DENND4B: variants seen among roughly 807,000 people sequenced by gnomAD.
DENND4B encodes the protein DENN domain-containing protein 4B.
A neutral mutation model predicts 161.0 loss-of-function variants in DENND4B; 67 were observed. That is an observed-to-expected ratio of 0.42 (90% CI 0.34 to 0.51). The LOEUF (loss-of-function observed/expected upper bound fraction) is 0.51. Ranked by LOEUF, DENND4B falls within the 20% of genes least tolerant of loss-of-function variation. The pLI is 0.08. For synonymous variants in DENND4B, 753 were observed against 813.8 expected, an observed-to-expected ratio of 0.93 and a Z score of 1.27; for missense variants, 1,481 against 1,968.0, an observed-to-expected ratio of 0.75 and a Z score of 4.68.
Position 153,942,391 on chromosome 1 carries a change from G to T in DENND4B, c.641-35C>A. 2.5e-6 allele frequency: 4 copies of T among 1,602,418 alleles called. No homozygotes were observed. The highest frequency in any genetic ancestry group is 3.4e-6 in the Non-Finnish European group (4 of 1,174,428). On this transcript the variant is annotated intron_variant, in intron 4 of 27. Coordinates refer to ENST00000361217, the MANE Select transcript of DENND4B (RefSeq NM_014856.3). The surrounding 1 kb of genome is among the most constrained non-coding windows in gnomAD (Gnocchi z 6.9). Reference sequence around the variant, plus strand: ...CAGCATAGTTGGGGGTACCCAAAAGGAGCAGGGTCCATCAGACTCCAAGGG... The same window carrying T: ...CAGCATAGTTGGGGGTACCCAAAAGTAGCAGGGTCCATCAGACTCCAAGGG...
chr1:153,942,443 G>A lies in DENND4B; in HGVS notation c.641-87C>T. ...AATGAACCAAGGGATCCCAGAGAAG[G>A]CCCGAGTAGCAAAGAGAAAGTAAAC... On this transcript the variant is annotated intron_variant, in intron 4 of 27. Transcript: ENST00000361217. The surrounding 1 kb of genome is among the most constrained non-coding windows in gnomAD (Gnocchi z 6.9). 2 of 1,567,974 alleles carry A rather than the reference G, an allele frequency of 1.3e-6. No homozygotes were observed. The highest frequency in any genetic ancestry group is 1.7e-6 in the Non-Finnish European group (2 of 1,155,790).
chr1:153,929,997 A>T lies in DENND4B; in HGVS notation c.*300T>A. 1 of 390,600 alleles carries T rather than the reference A, an allele frequency of 2.6e-6. No homozygotes were observed. The highest frequency in any genetic ancestry group is 4.7e-6 in the Non-Finnish European group (1 of 214,800). The allele number at this position is 390,600 out of a possible 1,614,324, so 24.2% of individuals were successfully genotyped here. On this transcript the variant is annotated 3_prime_UTR_variant, in exon 28 of 28. Coordinates refer to ENST00000361217, the MANE Select transcript of DENND4B (RefSeq NM_014856.3). ...TTCTAAAATGACCAGGGCAATGCAG[A>T]TCTGTGGGTACCCTGGAGGGGAGTT...
rs770596398 is a variant in DENND4B, at chr1:153,940,459, C to T, written c.1474G>A (p.Val492Ile). 3.1e-6 allele frequency: 5 copies of T among 1,612,782 alleles called. No homozygotes were observed. The highest frequency in any genetic ancestry group is 2.7e-5 in the African/African-American group (2 of 74,876). ...LHDPPADVIC[V>I]DLDTNTLFQT... ...AAGAGCGTGTTGGTATCAAGGTCTA[C>T]ACAGATGACATCAGCAGGCGGGTCA... is the stretch of plus-strand genomic sequence containing the variant. Residue 492 changes from valine to isoleucine, a missense_variant, in exon 10 of 28, where the codon GTA (valine) becomes ATA (isoleucine). Physicochemically the swap from Val to Ile is conservative, Grantham distance 29. Transcript: ENST00000361217. The surrounding 1 kb of genome is among the most constrained non-coding windows in gnomAD (Gnocchi z 5.6).
intron 1 of DENND4B, chr1:153,945,347 G>A: frequency 2.8e-6 from 1 of 360,930 alleles, no homozygotes; most frequent in Non-Finnish European, 5.4e-6. Context: ...TGTGGTGGCG[G>A]TGGCGGTGGT....
Position 153,941,880 on chromosome 1 carries a change from T to G in DENND4B, c.1044A>C (p.Leu348=). 6.2e-7 allele frequency: 1 copy of G among 1,605,038 alleles called. No individual in the cohort carries two copies. The highest frequency in any genetic ancestry group is 1.3e-5 in the African/African-American group (1 of 74,282). ...YRYSVSGPHR[L]PLEAHISHFI... ...GGAGCCATGCTCACGCTTCCAAGGG[T>G]AGGCGGTGGGGGCCTGAGACGGAGT... is the stretch of plus-strand genomic sequence containing the variant. Residue 348 remains leucine (L), a synonymous_variant, in exon 6 of 28, where the codon CTA becomes CTC. Coordinates refer to ENST00000361217, the MANE Select transcript of DENND4B (RefSeq NM_014856.3).
Position 153,930,708 on chromosome 1 carries a change from C to T in DENND4B, c.4264G>A (p.Gly1422Ser), listed in dbSNP as rs1014890098. The stretch of plus-strand genomic sequence containing the variant: ...GCACCATACCTCTGCAGGTGCAGGC[C>T]AGTGGGTGGGGGCCCTAGAGTTTCC... ...LLETLGPPPTGLHLQRGIYRE... is the reference protein window; with the variant it reads ...LLETLGPPPTSLHLQRGIYRE... The change falls in exon 26 of 28, where the codon GGC becomes AGC. Residue 1422 changes from glycine (G) to serine (S), a missense_variant. Coordinates refer to ENST00000361217, the MANE Select transcript of DENND4B (RefSeq NM_014856.3). The surrounding 1 kb of genome is among the most constrained non-coding windows in gnomAD (Gnocchi z 4.7). 1 of 1,611,972 alleles carries T rather than the reference C, an allele frequency of 6.2e-7. No individual in the cohort carries two copies. The highest frequency in any genetic ancestry group is 1.3e-5 in the African/African-American group (1 of 74,916).
At chr1:153,939,331 CACTACAGGGATT>C (rs1270376188) in intron 12 of DENND4B, among the ~76,000 whole-genome samples, 1 of 152,014 alleles carries the variant, frequency 6.6e-6, no homozygotes, top group Non-Finnish European at 1.5e-5. Flanking sequence ...GGGGGCTGCT[CACTACAGGGATT>C]ACTGTGGCTA....
chr1:153,943,170 GT>G, intron 2 of DENND4B, 40 bp from the exon 3 acceptor site: 1 of 1,579,612 alleles, frequency 6.3e-7, no homozygotes, highest in Non-Finnish European at 8.6e-7. Context: ...AGAGGTCAGG[GT>G]AGAGGACAAA....
rs1343780624 is a variant in DENND4B, at chr1:153,940,278, A to G, written c.1503-22T>C. ...AGTCCTGTGAGAAAAGCATAAGGGG[A>G]AAGAGTGGCGAGGCTCTGGGATAGG... On this transcript the variant is annotated intron_variant, in intron 10 of 27. Coordinates refer to ENST00000361217, the MANE Select transcript of DENND4B (RefSeq NM_014856.3). This position sits in a 1 kb window ranked among gnomAD's most constrained non-coding sequence, Gnocchi z 5.6. The G allele has an allele frequency of 1.9e-6, 3 of 1,581,582 alleles. No homozygotes were observed. Among genetic ancestry groups the G allele is most frequent in the Non-Finnish European group, 2.6e-6 (3 of 1,163,990 alleles).
rs201381125 is a variant in DENND4B, at chr1:153,934,248, C to G, written c.2828G>C (p.Trp943Ser). 390 of 1,599,776 alleles carry G rather than the reference C, an allele frequency of 2.4e-4. 5 individuals are homozygous for G. The East Asian group carries it at 2.5e-3, about 10-fold the overall frequency. Residue 943 changes from tryptophan to serine, a missense_variant, in exon 19 of 28, where the codon TGG becomes TCG. Trp to Ser is a radical substitution (Grantham distance 177, BLOSUM62 -3). Around this residue, in one of 3 missense-constraint regions of DENND4B, gnomAD observed 339 missense variants for 330.3 expected, o/e 1.03. Transcript: ENST00000361217. The surrounding 1 kb of genome is among the most constrained non-coding windows in gnomAD (Gnocchi z 5.3). ...TGGGTCTCTCAGACTTCGCCCAGCC[C>G]AAGTAGTCTGGCGCTGAAGAGGGCG... The part of the protein sequence containing the change: ...PTRPLQRQTT[W>S]AGRSLRDPAS...
In DENND4B at chr1:153,930,149, C is replaced by T; in HGVS notation, c.*148G>A. The T allele has an allele frequency of 9.1e-7, 1 of 1,098,646 alleles. No individual in the cohort carries two copies. Among genetic ancestry groups the T allele is most frequent in the South Asian group, 1.7e-5 (1 of 60,220 alleles). 68.1% of individuals were successfully genotyped at this position (1,098,646 alleles called of 1,614,324 possible). ...GGACTTTTGGTAACAGTGGATCCCTCTTCCTGTTGTCCTCGCTTGGAGCCT... is the reference window on the plus strand; with the variant it reads ...GGACTTTTGGTAACAGTGGATCCCTTTTCCTGTTGTCCTCGCTTGGAGCCT... On this transcript the variant is annotated 3_prime_UTR_variant, in exon 28 of 28. Coordinates refer to ENST00000361217, the MANE Select transcript of DENND4B (RefSeq NM_014856.3). The surrounding 1 kb of genome is among the most constrained non-coding windows in gnomAD (Gnocchi z 4.7).
Position 153,944,507 on chromosome 1 carries a change from G to C in DENND4B, c.-23-110C>G. 1 of 1,183,958 alleles carries C rather than the reference G, an allele frequency of 8.4e-7. No individual in the cohort carries two copies. The highest frequency in any genetic ancestry group is 2.7e-5 in the East Asian group (1 of 36,944). The allele number at this position is 1,183,958 out of a possible 1,614,324, so 73.3% of individuals were successfully genotyped here. A position where few individuals can be genotyped will look rare whatever the true frequency, so the allele number is the denominator to read the frequency against. ...TTCCTAGTCCTTCCAAAGAAAGGCA[G>C]GATAAGGGGTCGGCCAATCCTGAAC... is the stretch of plus-strand genomic sequence containing the variant. On this transcript the variant is annotated intron_variant, in intron 1 of 27. Coordinates refer to ENST00000361217, the MANE Select transcript of DENND4B (RefSeq NM_014856.3). The surrounding 1 kb of genome is among the most constrained non-coding windows in gnomAD (Gnocchi z 4.8).
rs1679306314 is a variant in DENND4B, at chr1:153,935,922, G to T, written c.2568+138C>A. ...GTAGGTGCTAAGGCACCACAGGAGTGCAATGTGGATGACAGTGGTTCCAGG... is the reference window on the plus strand; with the variant it reads ...GTAGGTGCTAAGGCACCACAGGAGTTCAATGTGGATGACAGTGGTTCCAGG... On this transcript the variant is annotated intron_variant, in intron 17 of 27. Coordinates refer to ENST00000361217, the MANE Select transcript of DENND4B (RefSeq NM_014856.3). 1.3e-5 allele frequency: 14 copies of T among 1,081,908 alleles called. No homozygotes were observed. The South Asian group carries it at 1.4e-4, about 11-fold the overall frequency. 67.0% of individuals were successfully genotyped at this position (1,081,908 alleles called of 1,614,324 possible). A position where few individuals can be genotyped will look rare whatever the true frequency, so the allele number is the denominator to read the frequency against.
rs780558094 is a variant in DENND4B, at chr1:153,940,944, C to T, written c.1286G>A (p.Arg429Gln). Residue 429 changes from arginine to glutamine, a missense_variant, in exon 9 of 28, where the codon CGG becomes CAG. Transcript: ENST00000361217. The surrounding 1 kb of genome is among the most constrained non-coding windows in gnomAD (Gnocchi z 5.6). Reference protein sequence around the residue: ...TEHKLLVHSLRPDLLTSVCEA... With the variant: ...TEHKLLVHSLQPDLLTSVCEA... ...ACAGACGCTGGTGAGCAGGTCTGGCCGCAGCGAGTGGACTAGCAGCTTGTG... is the reference window on the plus strand; with the variant it reads ...ACAGACGCTGGTGAGCAGGTCTGGCTGCAGCGAGTGGACTAGCAGCTTGTG... 8 of 1,601,182 alleles carry T rather than the reference C, an allele frequency of 5.0e-6. No individual in the cohort carries two copies. Among genetic ancestry groups the T allele is most frequent in the Admixed American group, 3.5e-5 (2 of 57,872 alleles).
chr1:153,931,098 T>C lies in DENND4B; in HGVS notation c.3997-34A>G, dbSNP rs748064755. 5.8e-6 allele frequency: 9 copies of C among 1,541,736 alleles called. No homozygotes were observed. In the South Asian group the frequency reaches 7.1e-5, roughly 12 times the overall value. On this transcript the variant is annotated intron_variant, in intron 24 of 27. Transcript: ENST00000361217. Reference sequence around the variant, plus strand: ...GCCAAGATAGTGGAGACAGTTAGGCTCAACGAATGGGAGGCAGAGGACAAG... The same window carrying C: ...GCCAAGATAGTGGAGACAGTTAGGCCCAACGAATGGGAGGCAGAGGACAAG...
Position 153,933,326 on chromosome 1 carries a change from T to A in DENND4B, c.3331-7A>T. ...TGCCCAGAGAGGCTGAGCTCTACCA[T>A]GACATGAGAAACCATGGTCAGCCAA... is the stretch of plus-strand genomic sequence containing the variant. On this transcript the variant is annotated splice_polypyrimidine_tract_variant and splice_region_variant and intron_variant, in intron 20 of 27. Transcript: ENST00000361217. The surrounding 1 kb of genome is among the most constrained non-coding windows in gnomAD (Gnocchi z 5.7). 6.2e-7 allele frequency: 1 copy of A among 1,613,458 alleles called. No individual in the cohort carries two copies. Among genetic ancestry groups the A allele is most frequent in the Non-Finnish European group, 8.5e-7 (1 of 1,179,678 alleles).
Position 153,936,035 on chromosome 1 carries a change from C to T in DENND4B, c.2568+25G>A. On this transcript the variant is annotated intron_variant, in intron 17 of 27. Transcript: ENST00000361217. This position sits in a 1 kb window ranked among gnomAD's most constrained non-coding sequence, Gnocchi z 4.1. ...CACACACCCTGGCACAGCTGCCATCCCACCCCTCACCCCAAAGTAGGTACC... is the reference window on the plus strand; with the variant it reads ...CACACACCCTGGCACAGCTGCCATCTCACCCCTCACCCCAAAGTAGGTACC... 6.2e-7 allele frequency: 1 copy of T among 1,611,630 alleles called. No homozygotes were observed. Among genetic ancestry groups the T allele is most frequent in the Non-Finnish European group, 8.5e-7 (1 of 1,178,804 alleles).
chr1:153,933,858 C>T lies in DENND4B; in HGVS notation c.2955G>A (p.Leu985=). 1 of 1,613,098 alleles carries T rather than the reference C, an allele frequency of 6.2e-7. No individual in the cohort carries two copies. The change falls in exon 20 of 28, where the codon TTG becomes TTA. Residue 985 remains leucine, a synonymous_variant. Transcript: ENST00000361217. The surrounding 1 kb of genome is among the most constrained non-coding windows in gnomAD (Gnocchi z 5.7). ...EAGVAHMIEA[L]GVLEPRGSPV... ...GTGATCCCCGGGGTTCCAGGACCCCCAAGGCCTCTATCACTGCAGCACAGA... is the reference window on the plus strand; with the variant it reads ...GTGATCCCCGGGGTTCCAGGACCCCTAAGGCCTCTATCACTGCAGCACAGA...
intron 6 of DENND4B, 105 bp from the exon 7 acceptor site, chr1:153,941,545 C>T (rs1679672182): frequency 2.2e-6 from 3 of 1,351,660 alleles, no homozygotes; most frequent in Non-Finnish European, 3.0e-6. Flanking sequence ...TTATTCCTTC[C>T]TGAACCCCAC....
Sources: allele counts gnomAD v4.1 joint callset (sites outside exome capture counted in the v4.1 genomes callset), GRCh38; gene constraint gnomAD v4.1.1; regional missense constraint gnomAD v4.1.1; non-coding constraint Gnocchi (gnomAD v3.1); transcripts MANE v1.5; gene names NCBI Gene and HGNC (gene_info 2026-07-23, HGNC 2026-07-21).